PARD3B: variants seen among roughly 807,000 people sequenced by gnomAD.
The protein encoded by PARD3B is par-3 family cell polarity regulator beta.
A neutral mutation model predicts 130.2 loss-of-function variants in PARD3B; 103 were observed. That is an observed-to-expected ratio of 0.79 (90% CI 0.67 to 0.93). The LOEUF is 0.93. Among genes scored for constraint, PARD3B ranks in the 40% least tolerant of loss-of-function variants. The probability of loss-of-function intolerance (pLI) is 0.00; values close to 1 mark genes in which losing one functional copy is unlikely to be tolerated. For missense variants in PARD3B, 1,609 were observed against 1,499.2 expected, an observed-to-expected ratio of 1.07 and a Z score of -1.21; for synonymous variants, 583 against 553.2, an observed-to-expected ratio of 1.05 and a Z score of -0.76.
chr2:204,843,259 A>C (rs980449960), intron 2 of PARD3B, among the ~76,000 whole-genome samples: 1 of 152,140 alleles, frequency 6.6e-6, no homozygotes, highest in African/African-American at 2.4e-5. Context: ...ACCATTTATT[A>C]ATCACTAGAT....
intron 10 of PARD3B, among the ~76,000 whole-genome samples, chr2:205,131,890 A>G (rs572602354): frequency 6.6e-6 from 1 of 152,288 alleles, no homozygotes; most frequent in South Asian, 2.1e-4. Context: ...GTAATTCACT[A>G]GAGGGTACCA....
At chr2:204,728,115 G>A (rs1045037405) in intron 2 of PARD3B, among the ~76,000 whole-genome samples, 12 of 152,196 alleles carry the variant, frequency 7.9e-5, no homozygotes, top group Admixed American at 3.9e-4. Flanking sequence ...ACTCACAGCC[G>A]GGAACTCAGT....
At chr2:204,985,002 T>C (rs1040327574) in intron 3 of PARD3B, among the ~76,000 whole-genome samples, 5 of 137,090 alleles carry the variant, frequency 3.6e-5, no homozygotes, top group Non-Finnish European at 1.5e-5. Flanking sequence ...TCTCACAAAA[T>C]CTTCTCTACC....
rs13412318 is a variant in PARD3B, at chr2:205,530,704, A to G, written c.3181-22620A>G. On this transcript the variant is annotated intron_variant, in intron 21 of 22. Transcript: ENST00000406610. The surrounding 1 kb of genome is among the most constrained non-coding windows in gnomAD (Gnocchi z 4.7). ...GAGCTAACTTGGATTCCTTTCTTTC[A>G]TAATCCCCTACAAAGTGTTGCACAT... Among the ~76,000 whole-genome samples, 62,406 of 151,546 alleles carry G rather than the reference A, an allele frequency of 0.41. 13,363 individuals are homozygous for G. Among genetic ancestry groups the G allele is most frequent in the Admixed American group, 0.52 (7,936 of 15,254 alleles).
At chr2:204,585,958 A>C (rs1468624730) in intron 1 of PARD3B, among the ~76,000 whole-genome samples, 1 of 152,164 alleles carries the variant, frequency 6.6e-6, no homozygotes, top group Non-Finnish European at 1.5e-5. Flanking sequence ...TTACTTTACT[A>C]TATCATTTAA....
At chr2:204,888,727 T>A in intron 2 of PARD3B, among the ~76,000 whole-genome samples, 1 of 114,588 alleles carries the variant, frequency 8.7e-6, no homozygotes. Flanking sequence ...TGAGACCCTG[T>A]CTCAAAAAAA....
At chr2:204,824,777 G>C (rs940952016) in intron 2 of PARD3B, among the ~76,000 whole-genome samples, 8 of 152,072 alleles carry the variant, frequency 5.3e-5, no homozygotes, top group African/African-American at 1.9e-4. Context: ...CCACTTCCAA[G>C]GCTTCTAATG....
At chr2:205,384,224 C>T (rs1292888514) in intron 18 of PARD3B, among the ~76,000 whole-genome samples, 1 of 151,990 alleles carries the variant, frequency 6.6e-6, no homozygotes, top group African/African-American at 2.4e-5. Context: ...CTTCTTCTTC[C>T]CTCAACTACT....
chr2:205,034,114 C>T (rs1220350421), intron 3 of PARD3B, among the ~76,000 whole-genome samples: 1 of 152,090 alleles, frequency 6.6e-6, no homozygotes, highest in Non-Finnish European at 1.5e-5. Flanking sequence ...ACGAGATACC[C>T]TTTTCATGAC....
chr2:204,991,002 C>G (rs1048795538), intron 3 of PARD3B, among the ~76,000 whole-genome samples: 8 of 151,904 alleles, frequency 5.3e-5, no homozygotes, highest in African/African-American at 1.7e-4. Flanking sequence ...TATTATAATT[C>G]TGTGAAATTC....
At chr2:204,809,125 G>GT (rs952216264) in intron 2 of PARD3B, among the ~76,000 whole-genome samples, 38 of 149,734 alleles carry the variant, frequency 2.5e-4, no homozygotes, top group East Asian at 1.2e-3. Flanking sequence ...GGGTTTGTCT[G>GT]TTTTTTTTTC....
intron 13 of PARD3B, among the ~76,000 whole-genome samples, chr2:205,181,696 G>A (rs2035796137): frequency 6.6e-6 from 1 of 152,186 alleles, no homozygotes; most frequent in Non-Finnish European, 1.5e-5. Context: ...CTTTTCTGAT[G>A]TGGCCTTGGT....
chr2:205,490,681 C>T (rs1433035229), intron 20 of PARD3B, among the ~76,000 whole-genome samples: 3 of 152,162 alleles, frequency 2.0e-5, no homozygotes, highest in Non-Finnish European at 4.4e-5. Context: ...CCTGAGGAAT[C>T]GCCACACTGA....
At chr2:204,755,828 A>G (rs16836575) in intron 2 of PARD3B, among the ~76,000 whole-genome samples, 7,928 of 152,162 alleles carry the variant, frequency 0.052, 244 homozygotes, top group African/African-American at 0.081. Context: ...GATGACTTTT[A>G]CCACTATTTA....
rs372877831 is a variant in PARD3B at position 205,151,167 on chromosome 2, G to A, written c.1435-7555G>A. Among the ~76,000 whole-genome samples, 4 of 152,294 alleles carry A rather than the reference G, an allele frequency of 2.6e-5. No homozygotes were observed. In the East Asian group the frequency reaches 7.7e-4, roughly 29 times the overall value. On this transcript the variant is annotated intron_variant, in intron 10 of 22. Coordinates refer to ENST00000406610, the MANE Select transcript of PARD3B (RefSeq NM_001302769.2). Reference sequence around the variant, plus strand: ...TCTGTTCTTTTACATTTGCTGAGGAGTGCTTTACTTCCAACTATGTGGTCA... The same window carrying A: ...TCTGTTCTTTTACATTTGCTGAGGAATGCTTTACTTCCAACTATGTGGTCA...
intron 18 of PARD3B, among the ~76,000 whole-genome samples, chr2:205,391,965 T>C (rs982881253): frequency 6.6e-6 from 1 of 152,220 alleles, no homozygotes; most frequent in African/African-American, 2.4e-5. Flanking sequence ...ACAAATCTCT[T>C]AACTTTTCTT....
At chr2:204,663,842 T>C (rs1349941758) in intron 1 of PARD3B, among the ~76,000 whole-genome samples, 1 of 152,248 alleles carries the variant, frequency 6.6e-6, no homozygotes, top group Non-Finnish European at 1.5e-5. Flanking sequence ...TGATTTCAGC[T>C]GTCATATACG....
At chr2:204,758,466 A>T (rs2040768790) in intron 2 of PARD3B, among the ~76,000 whole-genome samples, 1 of 152,180 alleles carries the variant, frequency 6.6e-6, no homozygotes, top group South Asian at 2.1e-4. Context: ...TCACACTGTG[A>T]TGGTTTGAAT....
At chr2:205,419,712 G>A (rs558479259) in intron 19 of PARD3B, among the ~76,000 whole-genome samples, 7 of 152,172 alleles carry the variant, frequency 4.6e-5, no homozygotes, top group Admixed American at 3.3e-4. Flanking sequence ...GGAGGGAAAC[G>A]GGGAAAGGGG....
Sources: allele counts gnomAD v4.1 joint callset (sites outside exome capture counted in the v4.1 genomes callset), GRCh38; gene constraint gnomAD v4.1.1; non-coding constraint Gnocchi (gnomAD v3.1); transcripts MANE v1.5; gene names NCBI Gene and HGNC (gene_info 2026-07-23, HGNC 2026-07-21).